The following MAML2 variants were observed in gnomAD, a reference collection of about 807,000 sequenced individuals.
MAML2 encodes the protein mastermind like transcriptional coactivator 2.
A neutral mutation model predicts 96.1 loss-of-function variants in MAML2; 22 were observed. The observed-to-expected ratio is 0.23, with a 90% confidence interval of 0.16 to 0.33. MAML2 has a LOEUF of 0.33. MAML2 is among the 10% of genes least tolerant of loss of function. MAML2 has a pLI of 1.00. For missense variants in MAML2, 1,367 were observed against 1,392.4 expected, an observed-to-expected ratio of 0.98 and a Z score of 0.29; for synonymous variants, 561 against 521.3, an observed-to-expected ratio of 1.08 and a Z score of -1.04.
chr11:96,108,034 A>G (rs939510139), intron 1 of MAML2, among the ~76,000 whole-genome samples: 5 of 152,176 alleles, frequency 3.3e-5, no homozygotes, highest in Non-Finnish European at 7.4e-5. Flanking sequence ...GGTGATAGGA[A>G]CCCCAATTTA....
chr11:96,323,000 T>G (rs1050917116), intron 1 of MAML2, among the ~76,000 whole-genome samples: 1 of 152,014 alleles, frequency 6.6e-6, no homozygotes, highest in Non-Finnish European at 1.5e-5. Context: ...GCGTCCACAC[T>G]GAAAATGCAT....
chr11:96,250,066 GAC>G (rs1283628315), intron 1 of MAML2, among the ~76,000 whole-genome samples: 1 of 151,988 alleles, frequency 6.6e-6, no homozygotes, highest in Non-Finnish European at 1.5e-5. Context: ...TCGTTATCCA[GAC>G]AGTTTCACGG....
intron 1 of MAML2, among the ~76,000 whole-genome samples, chr11:96,259,251 T>G (rs1385291155): frequency 7.3e-6 from 1 of 137,776 alleles, no homozygotes; most frequent in Admixed American, 6.9e-5. Flanking sequence ...TTTCCAGATG[T>G]TTTTTTTCTT....
At chr11:96,263,697 A>G (rs1334347029) in intron 1 of MAML2, among the ~76,000 whole-genome samples, 5 of 152,228 alleles carry the variant, frequency 3.3e-5, no homozygotes, top group Non-Finnish European at 1.5e-5. Flanking sequence ...CCACAAGGGA[A>G]ATTCCTTTTG....
At chr11:96,187,116 G>C (rs901181694) in intron 1 of MAML2, among the ~76,000 whole-genome samples, 1 of 152,186 alleles carries the variant, frequency 6.6e-6, no homozygotes, top group Non-Finnish European at 1.5e-5. Context: ...GGGTGTCTGA[G>C]GGGTCTTTCT....
chr11:96,053,929 A>G (rs1859024858), intron 2 of MAML2, among the ~76,000 whole-genome samples: 1 of 152,122 alleles, frequency 6.6e-6, no homozygotes, highest in Non-Finnish European at 1.5e-5. Flanking sequence ...TGACTCAGAA[A>G]TGGAAATGGA....
chr11:96,196,835 C>CTA lies in MAML2; in HGVS notation c.514-103320_514-103319dup, dbSNP rs142069401. Among the ~76,000 whole-genome samples the CTA allele has an allele frequency of 5.5e-3, 820 of 148,964 alleles. 5 individuals are homozygous for CTA. Among genetic ancestry groups the CTA allele is most frequent in the African/African-American group, 0.019 (752 of 40,556 alleles). On this transcript the variant is annotated intron_variant, in intron 1 of 4. Coordinates refer to ENST00000524717, the MANE Select transcript of MAML2 (RefSeq NM_032427.4). ...ACCATTCTTTTTTTGTTCTCCCCAC[C>CTA]TATACCTTCTATAGTCCAATGGTTC...
At position 95,979,018 on chromosome 11, in the gene MAML2, T is replaced by C; in HGVS notation, c.3401A>G (p.Lys1134Arg). The C allele has an allele frequency of 6.2e-7, 1 of 1,613,988 alleles. No homozygotes were observed. The highest frequency in any genetic ancestry group is 8.5e-7 in the Non-Finnish European group (1 of 1,179,876). The change falls in exon 5 of 5, where the codon AAG (lysine) becomes AGG (arginine). Residue 1134 changes from lysine (K) to arginine (R), a missense_variant. Lys to Arg is a conservative substitution (Grantham distance 26). Transcript: ENST00000524717. Reference sequence around the variant, plus strand: ...CCAGTCATCATTACCAGGCTCTGTCTTCAATAAAGAATCAATGAAATCAGC... The same window carrying C: ...CCAGTCATCATTACCAGGCTCTGTCCTCAATAAAGAATCAATGAAATCAGC... The part of the protein sequence containing the change: ...SDADFIDSLL[K>R]TEPGNDDWMK...
intron 2 of MAML2, among the ~76,000 whole-genome samples, chr11:96,062,312 T>C (rs1184551144): frequency 1.3e-5 from 2 of 152,186 alleles, no homozygotes; most frequent in Non-Finnish European, 2.9e-5. Context: ...ATGTAGTATT[T>C]CCTGTACTGT....
intron 3 of MAML2, among the ~76,000 whole-genome samples, chr11:95,990,093 C>T (rs1021151607): frequency 6.6e-6 from 1 of 152,190 alleles, no homozygotes; most frequent in African/African-American, 2.4e-5. Context: ...AGACTATCCT[C>T]AATCTTTGCA....
chr11:96,177,398 G>A (rs1408809340), intron 1 of MAML2, among the ~76,000 whole-genome samples: 2 of 152,230 alleles, frequency 1.3e-5, no homozygotes, highest in Middle Eastern at 3.2e-3. Flanking sequence ...GCATGCATGT[G>A]ATATGTACAA....
intron 1 of MAML2, among the ~76,000 whole-genome samples, chr11:96,111,152 T>C (rs1429312781): frequency 6.6e-6 from 1 of 152,232 alleles, no homozygotes; most frequent in Non-Finnish European, 1.5e-5. Context: ...CTATCTGTGC[T>C]CACATAGTAA....
chr11:96,176,506 G>A (rs762248367), intron 1 of MAML2, among the ~76,000 whole-genome samples: 29 of 152,160 alleles, frequency 1.9e-4, no homozygotes, highest in Non-Finnish European at 3.5e-4. Flanking sequence ...CTGCGGTGCT[G>A]CTGATGGTCA....
At position 96,149,432 on chromosome 11, in the gene MAML2, A is replaced by AAAAAAAAAAAAT. The variant is rs59453325; in HGVS notation, c.514-55916_514-55915insATTTTTTTTTTT. Reference sequence around the variant, plus strand: ...ACTCCGTCACAAAAAAAAAAAAAAAATGAGAAGTTAAGTTTTCAGCCAGGC... The same window carrying AAAAAAAAAAAAT: ...ACTCCGTCACAAAAAAAAAAAAAAAAAAAAAAAAAAATTGAGAAGTTAAGTTTTCAGCCAGGC... On this transcript the variant is annotated intron_variant, in intron 1 of 4. Coordinates refer to ENST00000524717, the MANE Select transcript of MAML2 (RefSeq NM_032427.4). Among the ~76,000 whole-genome samples the AAAAAAAAAAAAT allele has an allele frequency of 1.5e-4, 17 of 112,588 alleles. 4 individuals are homozygous for AAAAAAAAAAAAT. The highest frequency in any genetic ancestry group is 3.2e-4 in the Admixed American group (3 of 9,284). 73.9% of individuals were successfully genotyped at this position (112,588 alleles called of 152,430 possible).
At chr11:96,220,747 T>C (rs1412174653) in intron 1 of MAML2, among the ~76,000 whole-genome samples, 1 of 152,140 alleles carries the variant, frequency 6.6e-6, no homozygotes, top group African/African-American at 2.4e-5. Flanking sequence ...CAGACATAGA[T>C]TTAAAAAAAT....
rs1290948687 is a variant in MAML2, at chr11:96,341,608, G to T, written c.288C>A (p.Thr96=). 3.9e-6 allele frequency: 6 copies of T among 1,551,710 alleles called. No individual in the cohort carries two copies. The highest frequency in any genetic ancestry group is 1.4e-5 in the African/African-American group (1 of 73,054). ...GGGCTGTAGTGGTGGCAGCAGTGGC[G>T]GTGGCCTTGGTGTGTTTGCCAGCTT... ...ARKAGKHTKA[T]ATAATTTAPP... is the part of the protein sequence containing the mutation. Residue 96 remains threonine, a synonymous_variant, in exon 1 of 5, where the codon ACC becomes ACA. Transcript: ENST00000524717.
chr11:96,104,972 T>A (rs1302136027), intron 1 of MAML2, among the ~76,000 whole-genome samples: 3 of 152,228 alleles, frequency 2.0e-5, no homozygotes, highest in Non-Finnish European at 4.4e-5. Context: ...CTCTCCCAAT[T>A]TTCTTTTTTG....
intron 1 of MAML2, among the ~76,000 whole-genome samples, chr11:96,162,667 C>A (rs1290447642): frequency 6.8e-6 from 1 of 147,776 alleles, no homozygotes; most frequent in Non-Finnish European, 1.5e-5. Flanking sequence ...GCCGAGATTG[C>A]GCCCTTGCAC....
intron 1 of MAML2, among the ~76,000 whole-genome samples, chr11:96,263,437 A>G (rs1862778926): frequency 6.6e-6 from 1 of 152,252 alleles, no homozygotes; most frequent in South Asian, 2.1e-4. Context: ...TTTCACAATA[A>G]TATGTTCAGC....
Sources: allele counts gnomAD v4.1 joint callset (sites outside exome capture counted in the v4.1 genomes callset), GRCh38; gene constraint gnomAD v4.1.1; transcripts MANE v1.5; gene names NCBI Gene and HGNC (gene_info 2026-07-23, HGNC 2026-07-21).